ZSWIM5: variants seen among roughly 807,000 people sequenced by gnomAD.
ZSWIM5 encodes zinc finger SWIM-type containing 5, also known as zinc finger SWIM domain-containing protein 5.
Under a neutral mutation model 119.6 loss-of-function variants are expected in ZSWIM5, and 55 were observed. The observed-to-expected ratio is 0.46, with a 90% CI of 0.37 to 0.58. The LOEUF is 0.58. ZSWIM5 is among the 20% of genes least tolerant of loss of function. The pLI, the probability that ZSWIM5 is intolerant of heterozygous loss-of-function variation, is 0.00. For missense variants in ZSWIM5, 1,193 were observed against 1,512.8 expected (o/e 0.79, Z 3.51); for synonymous variants, 537 against 606.9 (o/e 0.88, Z 1.69).
chr1:45,167,548 G>C (rs984172515), intron 1 of ZSWIM5, among the ~76,000 whole-genome samples: 65 of 152,142 alleles, frequency 4.3e-4, no homozygotes, highest in Non-Finnish European at 7.9e-4. Context: ...CCTACAGAAT[G>C]AGAGAAAATT....
chr1:45,137,187 C>T (rs1645695165), intron 1 of ZSWIM5, among the ~76,000 whole-genome samples: 1 of 152,028 alleles, frequency 6.6e-6, no homozygotes, highest in Admixed American at 6.6e-5. Context: ...CCTCAGCCTC[C>T]CAAGTAGCTG....
intron 11 of ZSWIM5, among the ~76,000 whole-genome samples, chr1:45,024,349 T>C (rs1184844260): frequency 6.6e-6 from 1 of 151,258 alleles, no homozygotes; most frequent in Non-Finnish European, 1.5e-5. Context: ...GCGCCACCAC[T>C]CCTGGCTACT....
intron 1 of ZSWIM5, among the ~76,000 whole-genome samples, chr1:45,153,093 T>TAAAAAAAAAAAA (rs76324771): frequency 9.4e-6 from 1 of 105,868 alleles, no homozygotes. Flanking sequence ...ATTAAAAAGT[T>TAAAAAAAAAAAA]AAAAAAAAAA....
At chr1:45,030,942 C>T (rs1289241061) in intron 11 of ZSWIM5, among the ~76,000 whole-genome samples, 1 of 151,650 alleles carries the variant, frequency 6.6e-6, no homozygotes, top group East Asian at 1.9e-4. Flanking sequence ...GGATTACAGG[C>T]ACCCACCACC....
chr1:45,066,131 C>T (rs549751649), intron 2 of ZSWIM5, among the ~76,000 whole-genome samples: 8 of 149,332 alleles, frequency 5.4e-5, no homozygotes, highest in Non-Finnish European at 1.2e-4. Context: ...TTTGTCCTTG[C>T]GATAGTTTGC....
At chr1:45,039,273 C>T (rs1244333913) in intron 7 of ZSWIM5, among the ~76,000 whole-genome samples, 200 bp from the exon 8 acceptor site, 1 of 152,152 alleles carries the variant, frequency 6.6e-6, no homozygotes, top group East Asian at 1.9e-4. Flanking sequence ...ATTTGGGTTG[C>T]CTGCTGGTAG....
At chr1:45,188,397 CA>C (rs1403809054) in intron 1 of ZSWIM5, among the ~76,000 whole-genome samples, 1 of 152,070 alleles carries the variant, frequency 6.6e-6, no homozygotes, top group African/African-American at 2.4e-5. Flanking sequence ...TAAGCAAATC[CA>C]TAGAGACAGA....
chr1:45,069,164 T>A (rs568322839), intron 2 of ZSWIM5, among the ~76,000 whole-genome samples: 1 of 152,000 alleles, frequency 6.6e-6, no homozygotes, highest in Non-Finnish European at 1.5e-5. Context: ...CAATGGCTCA[T>A]GCCTGTAATC....
chr1:45,143,447 A>C (rs937121541), intron 1 of ZSWIM5, among the ~76,000 whole-genome samples: 2 of 152,208 alleles, frequency 1.3e-5, no homozygotes, highest in Admixed American at 1.3e-4. Flanking sequence ...AAAATACAAC[A>C]ACTGTTCATG....
At chr1:45,097,386 C>T (rs1341626912) in intron 1 of ZSWIM5, among the ~76,000 whole-genome samples, 2 of 152,206 alleles carry the variant, frequency 1.3e-5, no homozygotes, top group Non-Finnish European at 2.9e-5. Flanking sequence ...TATAAAACTA[C>T]TTGGTGCCCC....
intron 1 of ZSWIM5, among the ~76,000 whole-genome samples, chr1:45,121,760 T>A (rs1645594641): frequency 6.6e-6 from 1 of 152,078 alleles, no homozygotes; most frequent in Admixed American, 6.5e-5. Context: ...ACCCAGCTAA[T>A]TTTTCCTTTG....
At chr1:45,171,224 C>T (rs1234735716) in intron 1 of ZSWIM5, among the ~76,000 whole-genome samples, 1 of 152,008 alleles carries the variant, frequency 6.6e-6, no homozygotes, top group Non-Finnish European at 1.5e-5. Flanking sequence ...GCATATATTC[C>T]TCCAGGTACA....
At chr1:45,201,256 T>A (rs1646156455) in intron 1 of ZSWIM5, among the ~76,000 whole-genome samples, 1 of 152,210 alleles carries the variant, frequency 6.6e-6, no homozygotes, top group African/African-American at 2.4e-5. Context: ...ATTTCTAGCC[T>A]CCAGAACTCT....
At chr1:45,158,741 A>G (rs925859414) in intron 1 of ZSWIM5, among the ~76,000 whole-genome samples, 1 of 152,340 alleles carries the variant, frequency 6.6e-6, no homozygotes, top group South Asian at 2.1e-4. Flanking sequence ...TGCTGCCTTA[A>G]ATAGCTGAAC....
At chr1:45,149,043 A>G (rs1044015469) in intron 1 of ZSWIM5, among the ~76,000 whole-genome samples, 1 of 152,146 alleles carries the variant, frequency 6.6e-6, no homozygotes, top group Non-Finnish European at 1.5e-5. Flanking sequence ...CCAAGACGCA[A>G]GGACTTCTTG....
At chr1:45,075,336 G>A (rs886195622) in intron 2 of ZSWIM5, among the ~76,000 whole-genome samples, 1 of 150,164 alleles carries the variant, frequency 6.7e-6, no homozygotes. Flanking sequence ...ACTACACTGA[G>A]GTCTCTCTAT....
chr1:45,026,695 C>CT (rs1467243850), intron 11 of ZSWIM5, among the ~76,000 whole-genome samples: 3 of 152,028 alleles, frequency 2.0e-5, no homozygotes, highest in Non-Finnish European at 4.4e-5. Context: ...CTTGTAATGT[C>CT]TTTATCTAGT....
intron 1 of ZSWIM5, among the ~76,000 whole-genome samples, chr1:45,184,633 T>G (rs1220421107): frequency 2.0e-5 from 3 of 152,036 alleles, no homozygotes; most frequent in Middle Eastern, 3.4e-3. Flanking sequence ...AAATCATGAG[T>G]GAACTCCCAT....
In ZSWIM5 at chr1:45,124,611, C is replaced by T. The variant is rs1289725594; in HGVS notation, c.596-36374G>A. ...ACAAAAAATAAAATGAAAGACATGT[C>T]AAAACATACATTAAATGAAAATGGT... is the stretch of plus-strand genomic sequence containing the variant. On this transcript the variant is annotated intron_variant, in intron 1 of 13. Coordinates refer to ENST00000359600, the MANE Select transcript of ZSWIM5 (RefSeq NM_020883.2). Among the ~76,000 whole-genome samples, 4 of 151,964 alleles carry T rather than the reference C, an allele frequency of 2.6e-5. No homozygotes were observed. In the East Asian group the frequency reaches 7.7e-4, roughly 29 times the overall value.
Sources: allele counts gnomAD v4.1 joint callset (sites outside exome capture counted in the v4.1 genomes callset), GRCh38; gene constraint gnomAD v4.1.1; transcripts MANE v1.5; gene names NCBI Gene and HGNC (gene_info 2026-07-23, HGNC 2026-07-21).